SLC38A4: variants seen among roughly 807,000 people sequenced by gnomAD.
SLC38A4 encodes solute carrier family 38 member 4, also known as sodium-coupled neutral amino acid transporter 4.
In SLC38A4, 20 loss-of-function variants were observed where a neutral mutation model predicts 63.1. The observed-to-expected ratio is 0.32, with a 90% CI of 0.22 to 0.46. The LOEUF is 0.46. Among genes scored for constraint, SLC38A4 ranks in the 20% least tolerant of loss-of-function variants. The probability of loss-of-function intolerance (pLI) is 1.00; values close to 1 mark genes in which losing one functional copy is unlikely to be tolerated. For synonymous variants in SLC38A4, 230 were observed against 225.5 expected (o/e 1.02, Z -0.18); for missense variants, 526 against 663.6 (o/e 0.79, Z 2.28).
chr12:46,805,069 C>T (rs1939204617), intron 1 of SLC38A4, among the ~76,000 whole-genome samples: 1 of 151,890 alleles, frequency 6.6e-6, no homozygotes, highest in African/African-American at 2.4e-5. Flanking sequence ...AGAATGAATG[C>T]ACTCCAATAT....
chr12:46,784,023 C>T (rs897224185), intron 7 of SLC38A4, among the ~76,000 whole-genome samples: 13 of 151,842 alleles, frequency 8.6e-5, no homozygotes, highest in Non-Finnish European at 1.8e-4. Context: ...ATCAACAAAC[C>T]GGGGTTTATA....
At chr12:46,818,179 C>G (rs1427812970) in intron 1 of SLC38A4, among the ~76,000 whole-genome samples, 8 of 151,724 alleles carry the variant, frequency 5.3e-5, no homozygotes, top group African/African-American at 1.9e-4. Context: ...TGAGATAATC[C>G]AATGGTTTGT....
At chr12:46,791,280 A>C (rs968712903) in intron 3 of SLC38A4, among the ~76,000 whole-genome samples, 1 of 152,202 alleles carries the variant, frequency 6.6e-6, no homozygotes, top group South Asian at 2.1e-4. Context: ...TTGCCATTTT[A>C]CATTTTCCAT....
intron 3 of SLC38A4, among the ~76,000 whole-genome samples, chr12:46,789,646 A>G (rs1938839060): frequency 6.6e-6 from 1 of 152,180 alleles, no homozygotes; most frequent in African/African-American, 2.4e-5. Flanking sequence ...CAGACTTTTT[A>G]GTTGTTTTTA....
chr12:46,788,119 T>G, intron 4 of SLC38A4, 88 bp from the exon 5 acceptor site: 1 of 900,816 alleles, frequency 1.1e-6, no homozygotes, highest in Non-Finnish European at 1.8e-6. Context: ...TATCTGCAGA[T>G]TACAGTCCAA....
intron 10 of SLC38A4, 72 bp from the exon 11 acceptor site, chr12:46,778,848 G>A (rs1938583456): frequency 2.1e-6 from 3 of 1,438,750 alleles, no homozygotes; most frequent in East Asian, 4.7e-5. Flanking sequence ...GAATCCATAT[G>A]TGTGGCTTAT....
chr12:46,809,525 A>G (rs146922192), intron 1 of SLC38A4, among the ~76,000 whole-genome samples: 284 of 152,178 alleles, frequency 1.9e-3, no homozygotes, highest in African/African-American at 6.4e-3. Flanking sequence ...TGGTGTAGTC[A>G]GAGCCCTTCA....
At chr12:46,792,350 A>G (rs1192246069) in intron 3 of SLC38A4, among the ~76,000 whole-genome samples, 1 of 152,112 alleles carries the variant, frequency 6.6e-6, no homozygotes, top group African/African-American at 2.4e-5. Flanking sequence ...GAGTTGCTAC[A>G]TGATAGCAGT....
At chr12:46,826,055 G>T (rs2120935737), upstream of SLC38A4, 1 of 152,394 alleles carries the variant, frequency 6.6e-6, no homozygotes, top group Non-Finnish European at 1.5e-5. Flanking sequence ...AGATGCTGCT[G>T]GGCGGCCTGC....
At chr12:46,770,426 A>C (rs1938393783) in intron 14 of SLC38A4, among the ~76,000 whole-genome samples, 1 of 152,100 alleles carries the variant, frequency 6.6e-6, no homozygotes, top group Non-Finnish European at 1.5e-5. Flanking sequence ...CTAATAATCT[A>C]AACATTCCTC....
At position 46,766,194 on chromosome 12, in the gene SLC38A4, A is replaced by G. The variant is rs1056122921; in HGVS notation, c.*507T>C. 4 of 345,548 alleles carry G rather than the reference A, an allele frequency of 1.2e-5. No homozygotes were observed. The highest frequency in any genetic ancestry group is 8.6e-5 in the African/African-American group (4 of 46,574). 21.4% of individuals were successfully genotyped at this position (345,548 alleles called of 1,614,324 possible). A position where few individuals can be genotyped will look rare whatever the true frequency, so the allele number is the denominator to read the frequency against. On this transcript the variant is annotated 3_prime_UTR_variant, in exon 17 of 17. Coordinates refer to ENST00000266579, the MANE Select transcript of SLC38A4 (RefSeq NM_018018.5). ...ATTCATGTACCTTACAGAAACAGAA[A>G]CAGTTCCTAAGACATGCCTTTTGCC...
chr12:46,800,949 G>A (rs10881001), intron 2 of SLC38A4, among the ~76,000 whole-genome samples: 110,173 of 152,032 alleles, frequency 0.72, 40,724 homozygotes, highest in Non-Finnish European at 0.8. Flanking sequence ...CACAGGGAAT[G>A]TTCAAAATGC....
intron 1 of SLC38A4, among the ~76,000 whole-genome samples, chr12:46,825,521 C>T (rs1202851448): frequency 2.0e-5 from 3 of 152,154 alleles, no homozygotes; most frequent in Admixed American, 1.3e-4. Context: ...CTCTGTTTTC[C>T]AGTGTTCTCA....
At position 46,766,124 on chromosome 12, in the gene SLC38A4, T is replaced by C. The variant is rs1938293745; in HGVS notation, c.*577A>G. ...TGTCACAAACAGGGTGGGCAAAATA[T>C]TATTTTGCTGTTGACAATAAGATGC... On this transcript the variant is annotated 3_prime_UTR_variant, in exon 17 of 17. Transcript: ENST00000266579. 1 of 204,920 alleles carries C rather than the reference T, an allele frequency of 4.9e-6. No homozygotes were observed. The highest frequency in any genetic ancestry group is 8.4e-5 in the South Asian group (1 of 11,876). 12.7% of individuals were successfully genotyped at this position (204,920 alleles called of 1,614,324 possible).
intron 7 of SLC38A4, among the ~76,000 whole-genome samples, chr12:46,780,996 T>C (rs1054378530): frequency 6.6e-6 from 1 of 152,032 alleles, no homozygotes; most frequent in African/African-American, 2.4e-5. Context: ...AACACATACT[T>C]AAATTGTAAA....
In SLC38A4 at chr12:46,770,842, T is replaced by A. The variant is rs146873991; in HGVS notation, c.1300-1414A>T. 1.8e-3 allele frequency among the ~76,000 whole-genome samples: 270 copies of A among 152,242 alleles called. 2 individuals carry two copies. The highest frequency in any genetic ancestry group is 6.3e-3 in the African/African-American group (262 of 41,582). Reference sequence around the variant, plus strand: ...TGTGATTGATGTTCACTTTAAAATTTTAGTTCTGAAGTCACTTAAGGTGCA... The same window carrying A: ...TGTGATTGATGTTCACTTTAAAATTATAGTTCTGAAGTCACTTAAGGTGCA... On this transcript the variant is annotated intron_variant, in intron 14 of 16. Coordinates refer to ENST00000266579, the MANE Select transcript of SLC38A4 (RefSeq NM_018018.5).
chr12:46,781,233 C>G (rs936678827), intron 7 of SLC38A4, among the ~76,000 whole-genome samples: 5 of 152,024 alleles, frequency 3.3e-5, no homozygotes, highest in African/African-American at 1.2e-4. Flanking sequence ...AAAGGACGGA[C>G]TACATCTAAA....
chr12:46,793,843 G>C (rs1938945363), intron 2 of SLC38A4, among the ~76,000 whole-genome samples: 1 of 152,124 alleles, frequency 6.6e-6, no homozygotes, highest in East Asian at 1.9e-4. Context: ...ACAACAAAGA[G>C]ATCTAGATTT....
At chr12:46,802,551 T>C (rs990497214) in intron 2 of SLC38A4, among the ~76,000 whole-genome samples, 3 of 152,060 alleles carry the variant, frequency 2.0e-5, no homozygotes, top group African/African-American at 7.2e-5. Context: ...TCTTAAATGT[T>C]GCTTATATAC....
Sources: gnomAD v4.1 joint callset for allele counts (sites outside exome capture counted in the v4.1 genomes callset) on GRCh38, gnomAD v4.1.1 for gene constraint, MANE v1.5 for transcripts, NCBI Gene and HGNC (gene_info 2026-07-23, HGNC 2026-07-21) for gene names.